PPP2R1B: variants seen among roughly 807,000 people sequenced by gnomAD.
The protein encoded by PPP2R1B is serine/threonine-protein phosphatase 2A 65 kDa regulatory subunit A beta isoform.
In PPP2R1B, 58 loss-of-function variants were observed where a neutral mutation model predicts 72.7. The observed-to-expected ratio is 0.80, with a 90% confidence interval of 0.65 to 0.99. PPP2R1B has a LOEUF of 0.99. Among genes scored for constraint, PPP2R1B ranks in the 50% least tolerant of loss-of-function variants. The pLI, the probability that PPP2R1B is intolerant of heterozygous loss-of-function variation, is 0.00. For synonymous variants in PPP2R1B, 256 were observed against 264.6 expected, an observed-to-expected ratio of 0.97 and a Z score of 0.32; for missense variants, 695 against 733.6, an observed-to-expected ratio of 0.95 and a Z score of 0.61.
the PPP2R1B span, among the ~76,000 whole-genome samples, chr11:111,717,183 A>T: frequency 2.0e-5 from 3 of 151,594 alleles, no homozygotes; most frequent in African/African-American, 4.8e-5. Context: ...GGGCGTGGTG[A>T]TGGGCGCCTG....
Position 111,731,902 on chromosome 11 carries a change from T to C in PPP2R1B, c.1912-4845A>G, listed in dbSNP as rs2136010270. ...CCACCAGATTTCTCCATCATTCTTATTCTGTGTTGCCAAAAACAACTCCAA... is the reference window on the plus strand; with the variant it reads ...CCACCAGATTTCTCCATCATTCTTACTCTGTGTTGCCAAAAACAACTCCAA... On this transcript the variant is annotated intron_variant, in intron 15 of 15. Transcript: ENST00000311129. 2.6e-5 allele frequency among the ~76,000 whole-genome samples: 4 copies of C among 152,188 alleles called. No individual in the cohort carries two copies. In the South Asian group the frequency reaches 8.3e-4, roughly 32 times the overall value.
the PPP2R1B span, among the ~76,000 whole-genome samples, chr11:111,691,128 C>A: frequency 1.3e-5 from 2 of 152,166 alleles, no homozygotes; most frequent in Non-Finnish European, 2.9e-5. Context: ...TATTATAATT[C>A]TGGCATAAAA....
intron 5 of PPP2R1B, among the ~76,000 whole-genome samples, chr11:111,757,126 A>C (rs1005051264): frequency 6.6e-6 from 1 of 151,906 alleles, no homozygotes; most frequent in Non-Finnish European, 1.5e-5. Flanking sequence ...AAAAAAAAAA[A>C]CACCGAAAAA....
rs782450152 is a variant in PPP2R1B, at chr11:111,764,838, T to G, written c.273A>C (p.Leu91=). 1.5e-5 allele frequency: 24 copies of G among 1,614,014 alleles called. No homozygotes were observed. Among genetic ancestry groups the G allele is most frequent in the East Asian group, 4.5e-5 (2 of 44,894 alleles). The change falls in exon 3 of 15, where the codon CTA becomes CTC. Residue 91 remains leucine, a synonymous_variant. Transcript: ENST00000527614. The stretch of plus-strand genomic sequence containing the variant: ...AGTGGGCAAAGTCAGGACCTCCCAC[T>G]AGGCCAGTGAAATTTCCCAGCTGCT... ...LAEQLGNFTG[L]VGGPDFAHCL...
chr11:111,742,180 T>C, intron 13 of PPP2R1B, 36 bp from the exon 14 acceptor site: 1 of 1,500,582 alleles, frequency 6.7e-7, no homozygotes, highest in Non-Finnish European at 9.3e-7. Flanking sequence ...AAAGACAGTC[T>C]AATGGGCCAT....
At chr11:111,747,921 TG>T in intron 11 of PPP2R1B, 32 bp downstream of exon 11, 1 of 1,565,278 alleles carries the variant, frequency 6.4e-7, no homozygotes, top group Non-Finnish European at 8.8e-7. Flanking sequence ...CATGGATATA[TG>T]GGCTTTCAAT....
intron 15 of PPP2R1B, among the ~76,000 whole-genome samples, chr11:111,732,729 C>T (rs1432000333): frequency 6.6e-6 from 1 of 152,130 alleles, no homozygotes; most frequent in Non-Finnish European, 1.5e-5. Context: ...TCAGAGGGAC[C>T]CTCCCTGCTG....
the PPP2R1B span, among the ~76,000 whole-genome samples, chr11:111,707,360 C>A: frequency 6.6e-6 from 1 of 152,210 alleles, no homozygotes; most frequent in African/African-American, 2.4e-5. Context: ...CCCGGCATAT[C>A]TCAAATTATA....
At chr11:111,689,481 G>C in the PPP2R1B span, among the ~76,000 whole-genome samples, 69 of 152,184 alleles carry the variant, frequency 4.5e-4, no homozygotes, top group Non-Finnish European at 1.6e-4. Flanking sequence ...CAGCAGTAGA[G>C]GTTGAAGGTA....
the PPP2R1B span, among the ~76,000 whole-genome samples, chr11:111,707,878 G>A: frequency 1.3e-5 from 2 of 152,280 alleles, no homozygotes; most frequent in South Asian, 2.1e-4. Flanking sequence ...GCAAGTCAGC[G>A]TCTCTGAGTT....
At chr11:111,707,908 A>G in the PPP2R1B span, among the ~76,000 whole-genome samples, 124 of 152,270 alleles carry the variant, frequency 8.1e-4, no homozygotes, top group African/African-American at 2.8e-3. Context: ...TTAAATACAG[A>G]GTGGGAACAG....
the PPP2R1B span, among the ~76,000 whole-genome samples, chr11:111,694,260 TTATTAA>T: frequency 6.6e-6 from 1 of 152,222 alleles, no homozygotes; most frequent in Admixed American, 6.5e-5. Context: ...CTTTAAAGCC[TTATTAA>T]TACAAACCTT....
chr11:111,713,670 A>T, the PPP2R1B span, among the ~76,000 whole-genome samples: 1 of 152,192 alleles, frequency 6.6e-6, no homozygotes, highest in Admixed American at 6.5e-5. Context: ...GAATAAATTG[A>T]TAAAAGATAA....
At position 111,753,438 on chromosome 11, in the gene PPP2R1B, C is replaced by T. The variant is rs1224869059; in HGVS notation, c.1164+5G>A. 6.2e-7 allele frequency: 1 copy of T among 1,610,914 alleles called. No homozygotes were observed. ...AAAGGCAACAGAACATAAAGCAAGA[C>T]CCACCTCATCCTTTAACTGAGCTAA... On this transcript the variant is annotated splice_donor_5th_base_variant and intron_variant, in intron 9 of 14. Transcript: ENST00000527614.
At position 111,764,830 on chromosome 11, in the gene PPP2R1B, C is replaced by A; in HGVS notation, c.281G>T (p.Gly94Val). 6.2e-7 allele frequency: 1 copy of A among 1,614,084 alleles called. No homozygotes were observed. Among genetic ancestry groups the A allele is most frequent in the Non-Finnish European group, 8.5e-7 (1 of 1,180,008 alleles). ...QLGNFTGLVG[G>V]PDFAHCLLPP... ...CAGCAGACAGTGGGCAAAGTCAGGA[C>A]CTCCCACTAGGCCAGTGAAATTTCC... is the stretch of plus-strand genomic sequence containing the variant. The change falls in exon 3 of 15, where the codon GGT becomes GTT. Residue 94 changes from glycine (G) to valine (V), a missense_variant. Transcript: ENST00000527614.
Position 111,754,532 on chromosome 11 carries a change from G to A in PPP2R1B, c.996C>T (p.Thr332=). ...AAGGCAGAATTTGATTCATAATTATGGTCTCTCTATCTTCAATGGGCAAGT... is the reference window on the plus strand; with the variant it reads ...AAGGCAGAATTTGATTCATAATTATAGTCTCTCTATCTTCAATGGGCAAGT... ...GENLPIEDRE[T]IIMNQILPYI... Residue 332 remains threonine (T), a synonymous_variant, in exon 8 of 15, where the codon ACC becomes ACT. Coordinates refer to ENST00000527614, the MANE Select transcript of PPP2R1B (RefSeq NM_002716.5). The A allele has an allele frequency of 6.2e-7, 1 of 1,602,654 alleles. No individual in the cohort carries two copies. Among genetic ancestry groups the A allele is most frequent in the Non-Finnish European group, 8.5e-7 (1 of 1,177,306 alleles).
At chr11:111,750,706 C>G (rs1470273831) in intron 10 of PPP2R1B, among the ~76,000 whole-genome samples, 1 of 152,158 alleles carries the variant, frequency 6.6e-6, no homozygotes, top group Non-Finnish European at 1.5e-5. Flanking sequence ...CTATAAAACC[C>G]AGCTTTGAAA....
At chr11:111,711,854 A>G in the PPP2R1B span, among the ~76,000 whole-genome samples, 3 of 152,190 alleles carry the variant, frequency 2.0e-5, no homozygotes, top group Non-Finnish European at 4.4e-5. Context: ...TCTATTCTTT[A>G]TCTGTCTGGG....
chr11:111,723,612 G>T, downstream of PPP2R1B: 1 of 1,613,648 alleles, frequency 6.2e-7, no homozygotes, highest in Non-Finnish European at 8.5e-7. Context: ...CCCCTTCCCC[G>T]CCAGGAGACT....
Sources: allele counts gnomAD v4.1 joint callset (sites outside exome capture counted in the v4.1 genomes callset), GRCh38; gene constraint gnomAD v4.1.1; transcripts MANE v1.5; gene names NCBI Gene and HGNC (gene_info 2026-07-23, HGNC 2026-07-21).